Variants in PNOC observed in about 807,000 individuals in gnomAD.
PNOC encodes the protein nociceptin.
Under a neutral mutation model 15.6 loss-of-function variants are expected in PNOC, and 10 were observed. The ratio of observed to expected loss-of-function variants is 0.64; its 90% confidence interval spans 0.40 to 1.09. PNOC has a LOEUF of 1.09. Ranked by LOEUF, PNOC falls within the 50% of genes least tolerant of loss-of-function variation. The probability of loss-of-function intolerance (pLI) is 0.01; values close to 1 mark genes in which losing one functional copy is unlikely to be tolerated. For missense variants in PNOC, 220 were observed against 223.9 expected (o/e 0.98, Z 0.11); for synonymous variants, 98 against 88.5 (o/e 1.11, Z -0.60).
chr8:28,335,331 T>G (rs1218446180), intron 2 of PNOC, among the ~76,000 whole-genome samples: 1 of 152,252 alleles, frequency 6.6e-6, no homozygotes, highest in Non-Finnish European at 1.5e-5. Flanking sequence ...GGTTATACTG[T>G]TATCTAACCG....
At chr8:28,333,170 G>A (rs949006665) in intron 2 of PNOC, among the ~76,000 whole-genome samples, 9 of 152,152 alleles carry the variant, frequency 5.9e-5, no homozygotes. Context: ...GAAGTGGTGT[G>A]ACTCTTTAGT....
rs142480789 is a variant in PNOC, at chr8:28,337,645, C to G, written c.127-1395C>G. On this transcript the variant is annotated intron_variant, in intron 2 of 3. Coordinates refer to ENST00000301908, the MANE Select transcript of PNOC (RefSeq NM_006228.5). ...TCGCCCAGCGTCAAGTGCAGTGGCA[C>G]GATCTCGGTTCACTGCAAGCTCCGC... Among the ~76,000 whole-genome samples, 1,033 of 146,862 alleles carry G rather than the reference C, an allele frequency of 7.0e-3. 20 individuals are homozygous for G. Among genetic ancestry groups the G allele is most frequent in the African/African-American group, 0.025 (1,006 of 39,814 alleles).
intron 2 of PNOC, among the ~76,000 whole-genome samples, chr8:28,335,262 A>T (rs958761670): frequency 2.6e-5 from 4 of 152,220 alleles, no homozygotes; most frequent in Admixed American, 2.6e-4. Context: ...GCAAGCACAC[A>T]GAGGTAGCTG....
chr8:28,319,569 T>G (rs1317430600), intron 1 of PNOC, among the ~76,000 whole-genome samples: 3 of 152,168 alleles, frequency 2.0e-5, no homozygotes, highest in Non-Finnish European at 4.4e-5. Context: ...TGCCAGGCAG[T>G]GAGCTAAGCT....
chr8:28,324,391 A>G (rs1360409615), intron 1 of PNOC, among the ~76,000 whole-genome samples: 2 of 152,226 alleles, frequency 1.3e-5, no homozygotes, highest in Non-Finnish European at 1.5e-5. Flanking sequence ...AGCTCAGCCT[A>G]TGCACACATT....
intron 3 of PNOC, chr8:28,339,834 C>G (rs553406269): frequency 1.8e-5 from 3 of 167,578 alleles, no homozygotes; most frequent in Non-Finnish European, 3.8e-5. Flanking sequence ...AGTCAGCTCA[C>G]CTTTCCTCGA....
chr8:28,329,430 G>A (rs1801286185), intron 2 of PNOC, 147 bp downstream of exon 2: 1 of 820,146 alleles, frequency 1.2e-6, no homozygotes, highest in Non-Finnish European at 1.9e-6. Context: ...ATAGGAAACA[G>A]ATCAGACAGG....
At chr8:28,341,727 G>A (rs1359928753) in intron 3 of PNOC, among the ~76,000 whole-genome samples, 2 of 152,230 alleles carry the variant, frequency 1.3e-5, no homozygotes, top group East Asian at 3.8e-4. Context: ...GTTCTGGATG[G>A]AAACTGGAAA....
chr8:28,319,419 T>G (rs1801111653), intron 1 of PNOC, among the ~76,000 whole-genome samples: 1 of 152,152 alleles, frequency 6.6e-6, no homozygotes. Flanking sequence ...GAGCATTTCC[T>G]CCAGGCATTC....
At chr8:28,341,100 C>T (rs143110365) in intron 3 of PNOC, among the ~76,000 whole-genome samples, 7 of 152,332 alleles carry the variant, frequency 4.6e-5, no homozygotes, top group Middle Eastern at 3.4e-3. Flanking sequence ...TTTTAAGTTG[C>T]GTCCCATGTG....
chr8:28,323,807 G>A lies in PNOC; in HGVS notation c.-23-5328G>A, dbSNP rs143080033. 3.1e-3 allele frequency among the ~76,000 whole-genome samples: 472 copies of A among 152,348 alleles called. 2 individuals carry two copies. Among genetic ancestry groups the A allele is most frequent in the African/African-American group, 0.011 (447 of 41,574 alleles). On this transcript the variant is annotated intron_variant, in intron 1 of 3. Transcript: ENST00000301908. Reference sequence around the variant, plus strand: ...CTAGAACACAGTTGTAGTAGGTGTTGGGAAGTGTATGAGAAAATACAGAAT... The same window carrying A: ...CTAGAACACAGTTGTAGTAGGTGTTAGGAAGTGTATGAGAAAATACAGAAT...
intron 1 of PNOC, among the ~76,000 whole-genome samples, chr8:28,325,666 G>GA (rs1801213643): frequency 6.5e-5 from 5 of 76,866 alleles, no homozygotes; most frequent in Non-Finnish European, 1.3e-4. Flanking sequence ...AAAAAAAAAA[G>GA]AAAAAGAAAA....
intron 2 of PNOC, 149 bp downstream of exon 2, chr8:28,329,432 T>C: frequency 4.9e-6 from 4 of 822,116 alleles, no homozygotes; most frequent in Non-Finnish European, 7.5e-6. Flanking sequence ...AGGAAACAGA[T>C]CAGACAGGAG....
intron 1 of PNOC, among the ~76,000 whole-genome samples, chr8:28,320,374 G>C (rs1801130207): frequency 6.6e-6 from 1 of 152,032 alleles, no homozygotes; most frequent in African/African-American, 2.4e-5. Context: ...CACAGAGCAA[G>C]TGCCAGGAGC....
intron 1 of PNOC, among the ~76,000 whole-genome samples, chr8:28,328,686 G>A (rs1801266911): frequency 6.6e-6 from 1 of 152,260 alleles, no homozygotes; most frequent in African/African-American, 2.4e-5. Flanking sequence ...CCTGTGATAA[G>A]GCAGGTGCCA....
intron 2 of PNOC, among the ~76,000 whole-genome samples, chr8:28,333,052 A>G (rs1208597727): frequency 6.6e-6 from 1 of 152,234 alleles, no homozygotes; most frequent in Non-Finnish European, 1.5e-5. Flanking sequence ...GGTGACTTGC[A>G]GTAGGAGTTC....
chr8:28,330,876 C>T lies in PNOC; in HGVS notation c.126+1593C>T, dbSNP rs1801320874. On this transcript the variant is annotated intron_variant, in intron 2 of 3. Transcript: ENST00000301908. ...TTTCAGTCCAGATAGTTACTCCTCT[C>T]CTATTAAATCCAGTATAGCTCAATT... Among the ~76,000 whole-genome samples, 3 of 152,170 alleles carry T rather than the reference C, an allele frequency of 2.0e-5. No homozygotes were observed. In the South Asian group the frequency reaches 6.2e-4, roughly 32 times the overall value.
chr8:28,330,560 C>CTTTTTT (rs34364812), intron 2 of PNOC, among the ~76,000 whole-genome samples: 25 of 105,046 alleles, frequency 2.4e-4, no homozygotes, highest in South Asian at 6.8e-4. Context: ...CACCCGGCTA[C>CTTTTTT]TTTTTTTTTT....
chr8:28,339,005 T>C (rs763258149), intron 2 of PNOC, 35 bp from the exon 3 acceptor site: 1 of 1,527,874 alleles, frequency 6.5e-7, no homozygotes, highest in Admixed American at 2.0e-5. Flanking sequence ...GAGGTCCTTG[T>C]TCCTTCTCCC....
Sources: gnomAD v4.1 joint callset for allele counts (sites outside exome capture counted in the v4.1 genomes callset) on GRCh38, gnomAD v4.1.1 for gene constraint, MANE v1.5 for transcripts, NCBI Gene and HGNC (gene_info 2026-07-23, HGNC 2026-07-21) for gene names.